The following METTL15 variants were observed in gnomAD, a reference collection of about 807,000 sequenced individuals.
METTL15 encodes the protein 12S rRNA N(4)-cytidine methyltransferase METTL15.
In METTL15, 34 loss-of-function variants were observed where a neutral mutation model predicts 38.3. That is an observed-to-expected ratio of 0.89 (90% CI 0.68 to 1.18). The LOEUF (loss-of-function observed/expected upper bound fraction) is 1.18. Ranked by LOEUF, METTL15 falls within the 50% of genes most tolerant of loss-of-function variation. The pLI is 0.00. For missense variants in METTL15, 438 were observed against 498.4 expected, an observed-to-expected ratio of 0.88 and a Z score of 1.15; for synonymous variants, 162 against 170.9, an observed-to-expected ratio of 0.95 and a Z score of 0.41.
intron 6 of METTL15, among the ~76,000 whole-genome samples, chr11:28,523,217 C>T (rs1385594169): frequency 1.3e-5 from 2 of 152,316 alleles, no homozygotes; most frequent in African/African-American, 4.8e-5. Flanking sequence ...TGCTCTTGGG[C>T]ACATAAGTAG....
At chr11:28,451,954 A>G (rs1851126785) in intron 6 of METTL15, among the ~76,000 whole-genome samples, 1 of 152,210 alleles carries the variant, frequency 6.6e-6, no homozygotes, top group South Asian at 2.1e-4. Context: ...CTGAATAGTC[A>G]GATCAGTGGC....
In METTL15 at chr11:28,285,624, T is replaced by G. The variant is rs146353107; in HGVS notation, c.408-4582T>G. On this transcript the variant is annotated intron_variant, in intron 4 of 6. Coordinates refer to ENST00000407364, the MANE Select transcript of METTL15 (RefSeq NM_001113528.2). Reference sequence around the variant, plus strand: ...ATAACTTAAAACTTCAGGAGTACATTGTATTTTAGGTGAGGCTCAATTCAG... The same window carrying G: ...ATAACTTAAAACTTCAGGAGTACATGGTATTTTAGGTGAGGCTCAATTCAG... Among the ~76,000 whole-genome samples, 116 of 152,220 alleles carry G rather than the reference T, an allele frequency of 7.6e-4. 2 individuals carry two copies. The East Asian group carries it at 0.021, about 28-fold the overall frequency.
chr11:28,493,011 T>A (rs1851509121), intron 6 of METTL15, among the ~76,000 whole-genome samples: 1 of 152,154 alleles, frequency 6.6e-6, no homozygotes, highest in African/African-American at 2.4e-5. Flanking sequence ...ATCATGAATA[T>A]CCTGGGTGAT....
At chr11:28,276,889 A>C (rs981195804) in intron 4 of METTL15, among the ~76,000 whole-genome samples, 2 of 152,140 alleles carry the variant, frequency 1.3e-5, no homozygotes, top group South Asian at 2.1e-4. Flanking sequence ...CTGGACCTCT[A>C]TCTCTCTTCA....
At chr11:28,319,533 A>G (rs891548630) in intron 6 of METTL15, among the ~76,000 whole-genome samples, 1 of 152,018 alleles carries the variant, frequency 6.6e-6, no homozygotes, top group Admixed American at 6.6e-5. Flanking sequence ...AAATAAGACT[A>G]CTTACAATCC....
intron 4 of METTL15, among the ~76,000 whole-genome samples, chr11:28,288,041 G>A (rs1040151631): frequency 7.9e-5 from 12 of 152,108 alleles, no homozygotes; most frequent in Non-Finnish European, 1.3e-4. Flanking sequence ...AGACTTGCAT[G>A]CAGCCAATAA....
At chr11:28,147,923 A>T (rs1299588345) in intron 3 of METTL15, among the ~76,000 whole-genome samples, 2 of 151,676 alleles carry the variant, frequency 1.3e-5, no homozygotes, top group African/African-American at 2.4e-5. Context: ...GCTCTATCTA[A>T]CTTTGGGAAA....
At chr11:28,419,629 A>G (rs1336955478) in intron 5 of METTL15, among the ~76,000 whole-genome samples, 2 of 152,182 alleles carry the variant, frequency 1.3e-5, no homozygotes, top group Non-Finnish European at 2.9e-5. Context: ...CCAAGCATCA[A>G]TATCATCCAG....
intron 3 of METTL15, among the ~76,000 whole-genome samples, chr11:28,165,906 G>C (rs1590849124): frequency 1.3e-5 from 2 of 152,220 alleles, no homozygotes; most frequent in East Asian, 3.9e-4. Context: ...TTGTTGAAGA[G>C]ACTGTCTTTT....
intron 6 of METTL15, among the ~76,000 whole-genome samples, chr11:28,312,298 G>T (rs1333886462): frequency 1.3e-5 from 2 of 152,156 alleles, no homozygotes; most frequent in Non-Finnish European, 2.9e-5. Flanking sequence ...TTTAGAGACA[G>T]CATATATATA....
chr11:28,295,396 C>T (rs542376803), intron 5 of METTL15, among the ~76,000 whole-genome samples: 26 of 152,162 alleles, frequency 1.7e-4, no homozygotes, highest in African/African-American at 5.8e-4. Flanking sequence ...GAGGTGCTGG[C>T]AGCCTACTGA....
chr11:28,288,138 G>A (rs1856360360), intron 4 of METTL15, among the ~76,000 whole-genome samples: 2 of 152,078 alleles, frequency 1.3e-5, no homozygotes, highest in Non-Finnish European at 2.9e-5. Flanking sequence ...CATCCAGAAT[G>A]GCTGTTATTA....
At chr11:28,286,486 C>G (rs4923527) in intron 4 of METTL15, among the ~76,000 whole-genome samples, 1 of 152,020 alleles carries the variant, frequency 6.6e-6, no homozygotes, top group South Asian at 2.1e-4. Context: ...AGGTAGCCAA[C>G]AAATATCCTT....
chr11:28,517,266 A>G (rs749542216), intron 6 of METTL15: 1 of 152,086 alleles, frequency 6.6e-6, no homozygotes. Flanking sequence ...ACAGCTAAGG[A>G]GAGGGAATCA....
At chr11:28,272,380 A>C (rs1157602464) in intron 4 of METTL15, among the ~76,000 whole-genome samples, 5 of 152,316 alleles carry the variant, frequency 3.3e-5, no homozygotes, top group African/African-American at 1.2e-4. Context: ...ATGGAATACT[A>C]TGCAGCCATA....
chr11:28,418,174 C>A (rs1359798019), intron 5 of METTL15, among the ~76,000 whole-genome samples: 1 of 152,124 alleles, frequency 6.6e-6, no homozygotes, highest in Non-Finnish European at 1.5e-5. Flanking sequence ...GTATGTCTCT[C>A]TGATGACCTG....
At chr11:28,218,383 G>A (rs1480550855) in intron 4 of METTL15, among the ~76,000 whole-genome samples, 2 of 152,152 alleles carry the variant, frequency 1.3e-5, no homozygotes, top group Non-Finnish European at 2.9e-5. Flanking sequence ...GTATAAGAAT[G>A]CTTGTGATTT....
At chr11:28,335,085 T>A (rs1358989389), downstream of METTL15, among the ~76,000 whole-genome samples, 1 of 152,190 alleles carries the variant, frequency 6.6e-6, no homozygotes, top group Non-Finnish European at 1.5e-5. Flanking sequence ...GAGGACATGC[T>A]CCACTTGATT....
At chr11:28,329,837 A>T (rs1306855358) in intron 6 of METTL15, among the ~76,000 whole-genome samples, 3 of 152,098 alleles carry the variant, frequency 2.0e-5, no homozygotes, top group African/African-American at 7.2e-5. Flanking sequence ...ATCTTAGTAG[A>T]CTTAGCCTTC....
Sources: gnomAD v4.1 joint callset for allele counts (sites outside exome capture counted in the v4.1 genomes callset) on GRCh38, gnomAD v4.1.1 for gene constraint, MANE v1.5 for transcripts, NCBI Gene and HGNC (gene_info 2026-07-23, HGNC 2026-07-21) for gene names.